Variants in KNG1 observed in about 807,000 individuals in gnomAD.
The protein encoded by KNG1 is kininogen 1.
Under a neutral mutation model 47.8 loss-of-function variants are expected in KNG1, and 23 were observed. That is an observed-to-expected ratio of 0.48 (90% CI 0.35 to 0.68). The LOEUF is 0.68. KNG1 is among the 30% of genes least tolerant of loss of function. KNG1 has a pLI of 0.01. For missense variants in KNG1, 762 were observed against 790.2 expected (o/e 0.96, Z 0.43); for synonymous variants, 277 against 277.0 (o/e 1.00, Z 0.00).
At chr3:186,724,831 A>G (rs530959059) in intron 3 of KNG1, among the ~76,000 whole-genome samples, 1 of 151,940 alleles carries the variant, frequency 6.6e-6, no homozygotes, top group East Asian at 1.9e-4. Flanking sequence ...CCCCCCGAGT[A>G]GCTGGGACTA....
intron 9 of KNG1, among the ~76,000 whole-genome samples, chr3:186,740,797 T>G (rs1031192490): frequency 1.3e-5 from 2 of 152,174 alleles, no homozygotes; most frequent in Non-Finnish European, 2.9e-5. Flanking sequence ...TAGGGCCTTT[T>G]AGGATAAAAG....
chr3:186,733,179 GA>G (rs2108630944), intron 7 of KNG1, among the ~76,000 whole-genome samples: 1 of 152,274 alleles, frequency 6.6e-6, no homozygotes, highest in South Asian at 2.1e-4. Context: ...CTGGGAGGCA[GA>G]GGTTGCAGTG....
intron 5 of KNG1, among the ~76,000 whole-genome samples, chr3:186,730,881 T>G (rs1720513486): frequency 6.6e-6 from 1 of 151,570 alleles, no homozygotes; most frequent in Non-Finnish European, 1.5e-5. Context: ...TATTCAAATC[T>G]TCTATGTTCT....
intron 1 of KNG1, chr3:186,717,967 CCACCCACCACCACCCACCATCAT>C: frequency 6.8e-6 from 3 of 439,502 alleles, no homozygotes; most frequent in South Asian, 6.3e-5. Flanking sequence ...CCACCACCCA[CCACCCACCACCACCCACCATCAT>C]CACCCACCAC....
In KNG1 at chr3:186,735,186, T is replaced by C. The variant is rs138950012; in HGVS notation, c.930+2512T>C. Among the ~76,000 whole-genome samples, 2 of 152,256 alleles carry C rather than the reference T, an allele frequency of 1.3e-5. 1 individual carries two copies. The highest frequency in any genetic ancestry group is 4.8e-5 in the African/African-American group (2 of 41,566). On this transcript the variant is annotated intron_variant, in intron 7 of 9. Coordinates refer to ENST00000644859, the MANE Select transcript of KNG1 (RefSeq NM_001102416.3). ...TTATTTTATTCTTTTTTCGTTGTTG[T>C]TTTTTAAGAGAGACGCGGGCCAGAC...
chr3:186,743,367 C>T lies in KNG1; in HGVS notation c.*1036C>T. On this transcript the variant is annotated 3_prime_UTR_variant, in exon 10 of 10. Transcript: ENST00000644859. Reference sequence around the variant, plus strand: ...GTCTTTTTGCTATGACTTTGAAGACCATTGATTTTTGAGAAGCAGAATAAT... The same window carrying T: ...GTCTTTTTGCTATGACTTTGAAGACTATTGATTTTTGAGAAGCAGAATAAT... 1 of 272,842 alleles carries T rather than the reference C, an allele frequency of 3.7e-6. No homozygotes were observed. The highest frequency in any genetic ancestry group is 7.1e-6 in the Non-Finnish European group (1 of 140,614). The allele number at this position is 272,842 out of a possible 1,614,324, so 16.9% of individuals were successfully genotyped here. A position where few individuals can be genotyped will look rare whatever the true frequency, so the allele number is the denominator to read the frequency against.
chr3:186,724,296 C>T (rs1235274960), intron 3 of KNG1, among the ~76,000 whole-genome samples: 1 of 152,156 alleles, frequency 6.6e-6, no homozygotes, highest in Non-Finnish European at 1.5e-5. Context: ...GTCCAGGCTC[C>T]CAGGGGGTCC....
At position 186,739,223 on chromosome 3, in the gene KNG1, C is replaced by G. The variant is rs779951856; in HGVS notation, c.1038+17C>G. 5.0e-6 allele frequency: 8 copies of G among 1,592,180 alleles called. No individual in the cohort carries two copies. In the Admixed American group the frequency reaches 1.3e-4, roughly 27 times the overall value. ...AAACTTGGCGTGAGTAGTCATGCAC[C>G]TGTCTACTTTTTCACTGGAAGCCTA... is the stretch of plus-strand genomic sequence containing the variant. On this transcript the variant is annotated intron_variant, in intron 8 of 9. Coordinates refer to ENST00000644859, the MANE Select transcript of KNG1 (RefSeq NM_001102416.3).
At chr3:186,739,009 T>G in intron 7 of KNG1, 90 bp from the exon 8 acceptor site, 1 of 1,124,408 alleles carries the variant, frequency 8.9e-7, no homozygotes, top group Non-Finnish European at 1.3e-6. Context: ...CAATTAAAAT[T>G]TCAAGATTCT....
Position 186,742,486 on chromosome 3 carries a change from C to A in KNG1, c.*155C>A. The stretch of plus-strand genomic sequence containing the variant: ...GTGGTGAGACTCCCAGTGGAGACAC[C>A]ATCAGTCTCCACGGACTGCATAAAA... On this transcript the variant is annotated 3_prime_UTR_variant, in exon 10 of 10. Coordinates refer to ENST00000644859, the MANE Select transcript of KNG1 (RefSeq NM_001102416.3). 1 of 1,467,640 alleles carries A rather than the reference C, an allele frequency of 6.8e-7. No homozygotes were observed. The allele number at this position is 1,467,640 out of a possible 1,614,324, so 90.9% of individuals were successfully genotyped here.
chr3:186,721,776 C>G (rs767794674), intron 2 of KNG1: 2 of 152,794 alleles, frequency 1.3e-5, no homozygotes, highest in African/African-American at 2.4e-5. Flanking sequence ...GAGTGTTTAG[C>G]AGGCTGGTTC....
rs10662949 is a variant in KNG1, at chr3:186,717,802, T to TCACA, written c.195+78_195+81dup. The TCACA allele has an allele frequency of 4.6e-4, 486 of 1,056,442 alleles. 4 individuals are homozygous for TCACA. Among genetic ancestry groups the TCACA allele is most frequent in the South Asian group, 3.9e-3 (304 of 77,534 alleles). The allele number at this position is 1,056,442 out of a possible 1,614,324, so 65.4% of individuals were successfully genotyped here. On this transcript the variant is annotated intron_variant, in intron 1 of 9. Coordinates refer to ENST00000644859, the MANE Select transcript of KNG1 (RefSeq NM_001102416.3). ...TGTACTATCACTAGGAGTCCAGGCC[T>TCACA]CACACACACACACACATACCACCAC...
rs1026162633 is a variant in KNG1 at position 186,722,669 on chromosome 3, C to T, written c.391+148C>T. 5 of 711,762 alleles carry T rather than the reference C, an allele frequency of 7.0e-6. No homozygotes were observed. In the African/African-American group the frequency reaches 8.7e-5, roughly 12 times the overall value. 44.1% of individuals were successfully genotyped at this position (711,762 alleles called of 1,614,324 possible). A position where few individuals can be genotyped will look rare whatever the true frequency, so the allele number is the denominator to read the frequency against. On this transcript the variant is annotated intron_variant, in intron 3 of 9. Coordinates refer to ENST00000644859, the MANE Select transcript of KNG1 (RefSeq NM_001102416.3). ...AGTTAGGGAGCATTGGGTGGAGCGG[C>T]AGAGCCCGGAGGTTGAGCCAGGCTT...
chr3:186,725,991 C>T (rs1167455644), intron 4 of KNG1, among the ~76,000 whole-genome samples: 15 of 150,568 alleles, frequency 1.0e-4, no homozygotes, highest in Admixed American at 2.6e-4. Flanking sequence ...GGAGCAGTGG[C>T]GCGATCTTGG....
chr3:186,721,733 A>G (rs774249929), intron 2 of KNG1: 2 of 152,712 alleles, frequency 1.3e-5, no homozygotes, highest in Admixed American at 1.3e-4. Flanking sequence ...TGTGAACAGT[A>G]TTAACTCACT....
chr3:186,719,194 G>T (rs1196021849), intron 1 of KNG1, among the ~76,000 whole-genome samples: 4 of 152,120 alleles, frequency 2.6e-5, no homozygotes, highest in Admixed American at 2.0e-4. Context: ...GGGTATGGTT[G>T]TAAATATACT....
intron 4 of KNG1, among the ~76,000 whole-genome samples, chr3:186,725,831 A>G (rs377542108): frequency 3.3e-5 from 5 of 151,560 alleles, no homozygotes; most frequent in African/African-American, 1.2e-4. Context: ...ATCATGACTT[A>G]AACACAGCTC....
intron 3 of KNG1, 48 bp from the exon 4 acceptor site, chr3:186,725,040 T>C (rs1720314407): frequency 1.2e-6 from 2 of 1,603,736 alleles, no homozygotes; most frequent in African/African-American, 2.7e-5. Flanking sequence ...TGTATGCGAA[T>C]GCTGATTGCG....
intron 5 of KNG1, among the ~76,000 whole-genome samples, chr3:186,730,108 T>A (rs557328982): frequency 1.6e-4 from 25 of 152,296 alleles, no homozygotes; most frequent in African/African-American, 5.5e-4. Flanking sequence ...TAACTTAGAA[T>A]GCTGTTCTAA....
Sources: gnomAD v4.1 joint callset for allele counts (sites outside exome capture counted in the v4.1 genomes callset) on GRCh38, gnomAD v4.1.1 for gene constraint, MANE v1.5 for transcripts, NCBI Gene and HGNC (gene_info 2026-07-23, HGNC 2026-07-21) for gene names.